The following GORASP2 variants were observed in gnomAD, a reference collection of about 807,000 sequenced individuals.
The protein encoded by GORASP2 is golgi reassembly stacking protein 2.
In GORASP2, 22 loss-of-function variants were observed where a neutral mutation model predicts 45.7. The observed-to-expected ratio is 0.48, with a 90% CI of 0.34 to 0.69. The LOEUF (loss-of-function observed/expected upper bound fraction) is 0.69. Ranked by LOEUF, GORASP2 falls within the 30% of genes least tolerant of loss-of-function variation. GORASP2 has a pLI of 0.01. For synonymous variants in GORASP2, 221 were observed against 215.6 expected (o/e 1.02, Z -0.22); for missense variants, 491 against 562.7 (o/e 0.87, Z 1.29).
intron 1 of GORASP2, 22 bp downstream of exon 1, chr2:170,929,425 G>A (rs1164771225): frequency 1.5e-6 from 2 of 1,356,112 alleles, no homozygotes; most frequent in African/African-American, 1.5e-5. Flanking sequence ...GACGGCGGCC[G>A]GGGAGCTGCG....
At chr2:170,929,629 G>C in intron 1 of GORASP2, 1 of 614,110 alleles carries the variant, frequency 1.6e-6, no homozygotes, top group South Asian at 1.8e-5. Flanking sequence ...GGACGGGCTG[G>C]AGCTGGAGGC....
intron 7 of GORASP2, among the ~76,000 whole-genome samples, chr2:170,960,962 C>T (rs1168188872): frequency 2.0e-5 from 3 of 152,170 alleles, no homozygotes; most frequent in South Asian, 2.1e-4. Flanking sequence ...GGTGTGCTTT[C>T]ATTTATTGTT....
intron 6 of GORASP2, among the ~76,000 whole-genome samples, chr2:170,955,716 A>G (rs1042517615): frequency 1.3e-5 from 2 of 152,250 alleles, no homozygotes; most frequent in Non-Finnish European, 2.9e-5. Context: ...CCCAACCACC[A>G]TATCCACTGG....
At chr2:170,942,340 T>A (rs1315761692) in intron 1 of GORASP2, among the ~76,000 whole-genome samples, 1 of 152,184 alleles carries the variant, frequency 6.6e-6, no homozygotes, top group Non-Finnish European at 1.5e-5. Context: ...ATCTGTGTAT[T>A]ACTCCAGAAA....
Position 170,949,709 on chromosome 2 carries a change from T to C in GORASP2, c.315T>C (p.Phe105=). The part of the protein sequence containing the change: ...LLGVSIRFCS[F]DGANENVWHV... ...GAGTGAGCATTCGTTTCTGCAGCTTTGATGGGGCAAATGAAAATGTTTGGC... is the reference window on the plus strand; with the variant it reads ...GAGTGAGCATTCGTTTCTGCAGCTTCGATGGGGCAAATGAAAATGTTTGGC... The change falls in exon 3 of 10, where the codon TTT becomes TTC. Residue 105 remains phenylalanine, a synonymous_variant. Transcript: ENST00000234160. The C allele has an allele frequency of 1.2e-6, 2 of 1,614,004 alleles. No homozygotes were observed. The highest frequency in any genetic ancestry group is 1.7e-6 in the Non-Finnish European group (2 of 1,179,870).
At chr2:170,936,165 C>T (rs920447074) in intron 1 of GORASP2, among the ~76,000 whole-genome samples, 1 of 150,042 alleles carries the variant, frequency 6.7e-6, no homozygotes, top group African/African-American at 2.5e-5. Flanking sequence ...GATTGATTCA[C>T]TATAAAATAC....
Position 170,956,538 on chromosome 2 carries a change from G to A in GORASP2, c.802G>A (p.Val268Ile), listed in dbSNP as rs1209633437. ...TTCTATTAGCTCAACTCCACCAGCT[G>A]TCAGTAGTGTTCTCAGTACAGGTGT... ...GLSISSTPPA[V>I]SSVLSTGVPT... Residue 268 changes from valine (V) to isoleucine (I), a missense_variant, in exon 7 of 10, where the codon GTC becomes ATC. This residue lies in a region of GORASP2 where 297 missense variants were observed against 292.3 expected (regional missense o/e 1.02). Transcript: ENST00000234160. 6.2e-7 allele frequency: 1 copy of A among 1,613,064 alleles called. No homozygotes were observed. Among genetic ancestry groups the A allele is most frequent in the African/African-American group, 1.3e-5 (1 of 74,960 alleles).
chr2:170,958,011 G>A (rs572685642), intron 7 of GORASP2, among the ~76,000 whole-genome samples: 2 of 152,168 alleles, frequency 1.3e-5, no homozygotes, highest in East Asian at 3.9e-4. Flanking sequence ...TTCACAATTT[G>A]TTTATATCCC....
chr2:170,955,806 A>G (rs900175512), intron 6 of GORASP2, among the ~76,000 whole-genome samples: 7 of 152,246 alleles, frequency 4.6e-5, no homozygotes, highest in Non-Finnish European at 8.8e-5. Context: ...GCAAAGGGCC[A>G]GAATACAGGT....
At chr2:170,928,849 A>C (rs1355357654), upstream of GORASP2, 2 of 152,890 alleles carry the variant, frequency 1.3e-5, no homozygotes, top group African/African-American at 4.8e-5. Context: ...GAAAATACCT[A>C]CACACCCGGA....
chr2:170,965,869 G>T lies in GORASP2; in HGVS notation c.1098G>T (p.Pro366=). 6.2e-7 allele frequency: 1 copy of T among 1,613,810 alleles called. No homozygotes were observed. The highest frequency in any genetic ancestry group is 2.2e-5 in the East Asian group (1 of 44,856). The stretch of plus-strand genomic sequence containing the variant: ...TCCCCCTGCCATCCGAGTTCCTCCC[G>T]TCATTCCCCTTGGTTCCAGAGAGCT... ...APLPLPSEFL[P]SFPLVPESSS... is the part of the protein sequence containing the mutation. The change falls in exon 10 of 10, where the codon CCG becomes CCT. Residue 366 remains proline (P), a synonymous_variant. Coordinates refer to ENST00000234160, the MANE Select transcript of GORASP2 (RefSeq NM_015530.5).
intron 1 of GORASP2, among the ~76,000 whole-genome samples, chr2:170,941,249 A>G (rs557968395): frequency 1.1e-4 from 16 of 152,264 alleles, no homozygotes; most frequent in Middle Eastern, 3.4e-3. Flanking sequence ...TTTTGGTAAT[A>G]TATCTTTTTA....
intron 9 of GORASP2, among the ~76,000 whole-genome samples, chr2:170,963,426 G>A (rs940951588): frequency 2.2e-5 from 3 of 138,958 alleles, no homozygotes; most frequent in South Asian, 2.3e-4. Context: ...CTCAGTCCCC[G>A]CTGCTACTGC....
In GORASP2 at chr2:170,942,946, AC is replaced by A. The variant is rs1481943220; in HGVS notation, c.64-5403del. Among the ~76,000 whole-genome samples the A allele has an allele frequency of 6.6e-5, 10 of 152,310 alleles. No individual in the cohort carries two copies. The South Asian group carries it at 8.3e-4, about 13-fold the overall frequency. On this transcript the variant is annotated intron_variant, in intron 1 of 9. Coordinates refer to ENST00000234160, the MANE Select transcript of GORASP2 (RefSeq NM_015530.5). ...GCGGTTTTATTGTCTGTCTTTCTGA[AC>A]GCTTTACAGTAGTTCAAGATTTCTT...
intron 5 of GORASP2, among the ~76,000 whole-genome samples, chr2:170,952,118 A>T (rs1704312818): frequency 6.6e-6 from 1 of 152,204 alleles, no homozygotes; most frequent in Admixed American, 6.5e-5. Context: ...TGAATGACAA[A>T]TTTTCAGTTT....
chr2:170,943,568 C>G (rs912629429), intron 1 of GORASP2, among the ~76,000 whole-genome samples: 5 of 152,180 alleles, frequency 3.3e-5, no homozygotes, highest in Non-Finnish European at 7.3e-5. Context: ...TAAACTTTAC[C>G]AAGCTCACAC....
At chr2:170,962,739 T>C (rs1225429773) in intron 8 of GORASP2, 100 bp from the exon 9 acceptor site, 2 of 753,756 alleles carry the variant, frequency 2.7e-6, no homozygotes, top group Non-Finnish European at 2.4e-6. Context: ...CTTCTGGTAC[T>C]GTCACTTAGA....
At position 170,966,095 on chromosome 2, in the gene GORASP2, G is replaced by C; in HGVS notation, c.1324G>C (p.Ala442Pro). ...CCCAGTCAGCGAGAAGCCTGTTTCTGCGGCTGTGGATGCCAATGCTTCTGA... is the reference window on the plus strand; with the variant it reads ...CCCAGTCAGCGAGAAGCCTGTTTCTCCGGCTGTGGATGCCAATGCTTCTGA... ...STPVSEKPVS[A>P]AVDANASESP is the part of the protein sequence containing the mutation. Residue 442 changes from alanine (A) to proline (P), a missense_variant, in exon 10 of 10, where the codon GCG becomes CCG. Ala to Pro is a conservative substitution (Grantham distance 27). Transcript: ENST00000234160. 6.2e-7 allele frequency: 1 copy of C among 1,614,070 alleles called. No individual in the cohort carries two copies. Among genetic ancestry groups the C allele is most frequent in the Non-Finnish European group, 8.5e-7 (1 of 1,179,942 alleles).
intron 1 of GORASP2, among the ~76,000 whole-genome samples, chr2:170,938,369 C>T (rs1272601906): frequency 6.6e-6 from 1 of 152,222 alleles, no homozygotes; most frequent in African/African-American, 2.4e-5. Flanking sequence ...CTGTACTTTA[C>T]TGCTGTTTAA....
Sources: gnomAD v4.1 joint callset for allele counts (sites outside exome capture counted in the v4.1 genomes callset) on GRCh38, gnomAD v4.1.1 for gene constraint, gnomAD v4.1.1 regional missense constraint, MANE v1.5 for transcripts, NCBI Gene and HGNC (gene_info 2026-07-23, HGNC 2026-07-21) for gene names.